Variants in NRAP observed in about 807,000 individuals in gnomAD.
NRAP encodes nebulin-related-anchoring protein.
A neutral mutation model predicts 225.9 loss-of-function variants in NRAP; 189 were observed. That is an observed-to-expected ratio of 0.84 (90% CI 0.74 to 0.94). The LOEUF is 0.94. Among genes scored for constraint, NRAP ranks in the 40% least tolerant of loss-of-function variants. The pLI is 0.00. For missense variants in NRAP, 2,176 were observed against 2,168.7 expected, an observed-to-expected ratio of 1.00 and a Z score of -0.07; for synonymous variants, 769 against 790.7, an observed-to-expected ratio of 0.97 and a Z score of 0.46.
intron 3 of NRAP, among the ~76,000 whole-genome samples, chr10:113,659,321 C>T (rs1850515692): frequency 6.6e-6 from 1 of 152,164 alleles, no homozygotes; most frequent in South Asian, 2.1e-4. Flanking sequence ...TGCAATAATA[C>T]CCCATCAACA....
intron 3 of NRAP, among the ~76,000 whole-genome samples, chr10:113,662,040 C>T (rs753394418): frequency 2.0e-5 from 3 of 152,106 alleles, no homozygotes; most frequent in African/African-American, 4.8e-5. Context: ...GGTCAAGACA[C>T]AAAGATTATA....
chr10:113,616,547 T>C (rs976144971), intron 26 of NRAP, among the ~76,000 whole-genome samples: 2 of 152,240 alleles, frequency 1.3e-5, no homozygotes, highest in African/African-American at 2.4e-5. Context: ...TTGATTCTGA[T>C]GGGCTGATTA....
rs760907622 is a variant in NRAP, at chr10:113,651,842, C to A, written c.636G>T (p.Glu212Asp). The change falls in exon 7 of 42, where the codon GAG (glutamate) becomes GAT (aspartate). Residue 212 changes from glutamate to aspartate, a missense_variant. This residue lies in a region of NRAP where 1,708 missense variants were observed against 1,695.5 expected (regional missense o/e 1.01). Coordinates refer to ENST00000359988, the MANE Select transcript of NRAP (RefSeq NM_198060.4). ...GTGCCCCAGCCTTGCTCCGTAGCAG[C>A]TCAGGAGTATCCACCACCGTGGAGA... ...SRFSTVVDTP[E>D]LLRSKAGAQL... The A allele has an allele frequency of 5.6e-6, 9 of 1,613,468 alleles. No homozygotes were observed. The highest frequency in any genetic ancestry group is 6.8e-6 in the Non-Finnish European group (8 of 1,179,422).
chr10:113,601,919 T>C (rs1220372015), intron 35 of NRAP, among the ~76,000 whole-genome samples: 7 of 152,218 alleles, frequency 4.6e-5, no homozygotes, highest in Admixed American at 4.6e-4. Flanking sequence ...TCTCTGGTTT[T>C]CTGTCACCCA....
rs543627940 is a variant in NRAP at position 113,607,399 on chromosome 10, C to CAAAAAAAAAAAAAAAAAAAAAAAA, written c.3702+991_3702+1014dup. On this transcript the variant is annotated intron_variant, in intron 32 of 41. Coordinates refer to ENST00000359988, the MANE Select transcript of NRAP (RefSeq NM_198060.4). ...CCTGGGTGAAAGAGCGAAACTCCGT[C>CAAAAAAAAAAAAAAAAAAAAAAAA]AAAAAAAAAAAAAAAAAAAAAAAAA... 9.0e-4 allele frequency among the ~76,000 whole-genome samples: 62 copies of CAAAAAAAAAAAAAAAAAAAAAAAA among 68,602 alleles called. 2 individuals carry two copies. Among genetic ancestry groups the CAAAAAAAAAAAAAAAAAAAAAAAA allele is most frequent in the Non-Finnish European group, 1.2e-3 (44 of 35,366 alleles). 45.0% of individuals were successfully genotyped at this position (68,602 alleles called of 152,430 possible).
At chr10:113,625,630 G>T (rs1257855995) in intron 21 of NRAP, among the ~76,000 whole-genome samples, 1 of 152,198 alleles carries the variant, frequency 6.6e-6, no homozygotes, top group East Asian at 1.9e-4. Context: ...TGTGTGTGGT[G>T]CTTCTTTGTT....
intron 12 of NRAP, among the ~76,000 whole-genome samples, chr10:113,641,807 C>T (rs3121468): frequency 0.55 from 83,700 of 151,484 alleles, 24,315 homozygotes; most frequent in East Asian, 0.72. Flanking sequence ...TACCATGAGA[C>T]AGTGGCAGGC....
chr10:113,619,801 G>C (rs114901546), intron 25 of NRAP, among the ~76,000 whole-genome samples: 1 of 152,094 alleles, frequency 6.6e-6, no homozygotes, highest in Non-Finnish European at 1.5e-5. Flanking sequence ...TAAAGAGCAC[G>C]GGTGTGAGTG....
intron 14 of NRAP, 96 bp downstream of exon 14, chr10:113,640,131 G>T (rs1443617034): frequency 2.8e-6 from 2 of 711,726 alleles, no homozygotes; most frequent in South Asian, 1.8e-5. Context: ...ATGAACTGTT[G>T]TATCATGTTT....
chr10:113,591,049 C>A (rs1215849915), intron 39 of NRAP, among the ~76,000 whole-genome samples, 160 bp from the exon 40 acceptor site: 1 of 152,098 alleles, frequency 6.6e-6, no homozygotes, highest in Non-Finnish European at 1.5e-5. Context: ...GGTCATGGGC[C>A]TGTTACTGAG....
At chr10:113,657,659 GA>G (rs1477014753) in intron 3 of NRAP, 85 bp from the exon 4 acceptor site, 3 of 815,856 alleles carry the variant, frequency 3.7e-6, no homozygotes, top group South Asian at 1.5e-5. Context: ...AAAATTGGGG[GA>G]TTTTGCTAAG....
At chr10:113,659,046 G>T (rs1850496802) in intron 3 of NRAP, among the ~76,000 whole-genome samples, 1 of 152,056 alleles carries the variant, frequency 6.6e-6, no homozygotes, top group African/African-American at 2.4e-5. Flanking sequence ...TGACTTTCCA[G>T]GGTTGCTACT....
intron 5 of NRAP, 68 bp downstream of exon 5, chr10:113,653,953 A>G: frequency 1.1e-6 from 1 of 929,412 alleles, no homozygotes; most frequent in Non-Finnish European, 1.8e-6. Context: ...GTAAAAGTCA[A>G]GGAACAGTCA....
intron 29 of NRAP, among the ~76,000 whole-genome samples, chr10:113,612,785 C>A (rs191587425): frequency 6.6e-6 from 1 of 152,214 alleles, no homozygotes; most frequent in African/African-American, 2.4e-5. Context: ...TCGCTCCCTG[C>A]CCACCATATT....
intron 20 of NRAP, among the ~76,000 whole-genome samples, chr10:113,627,349 G>T (rs188709758): frequency 6.6e-6 from 1 of 152,184 alleles, no homozygotes. Context: ...ACAGAGCACA[G>T]AAGGAACATA....
At chr10:113,594,132 C>A (rs1262864646) in intron 38 of NRAP, among the ~76,000 whole-genome samples, 1 of 152,142 alleles carries the variant, frequency 6.6e-6, no homozygotes, top group East Asian at 1.9e-4. Context: ...TCACAGTGGG[C>A]ACAGTTTTGT....
chr10:113,640,381 TTTTGGC>T (rs768556777), intron 13 of NRAP, 50 bp from the exon 14 acceptor site: 11 of 1,131,254 alleles, frequency 9.7e-6, no homozygotes, highest in Non-Finnish European at 1.4e-5. Flanking sequence ...TTCTACTTTC[TTTTGGC>T]TTTGTTTGAA....
At position 113,621,909 on chromosome 10, in the gene NRAP, T is replaced by C. The variant is rs749458609; in HGVS notation, c.2729A>G (p.Lys910Arg). Residue 910 changes from lysine to arginine, a missense_variant, in exon 24 of 42, where the codon AAG becomes AGG. By Grantham distance (26) the Lys-to-Arg change is conservative. Coordinates refer to ENST00000359988, the MANE Select transcript of NRAP (RefSeq NM_198060.4). ...HHFTALPTDM[K>R]VEWAKKAYGL... The stretch of plus-strand genomic sequence containing the variant: ...ATAAGCCTTCTTGGCCCATTCCACC[T>C]TCATGTCTGTGGGCAAAGCCGTAAA... 3 of 1,613,860 alleles carry C rather than the reference T, an allele frequency of 1.9e-6. No individual in the cohort carries two copies. Among genetic ancestry groups the C allele is most frequent in the Admixed American group, 1.7e-5 (1 of 60,020 alleles).
intron 3 of NRAP, among the ~76,000 whole-genome samples, chr10:113,660,692 A>G (rs767242095): frequency 4.6e-5 from 7 of 152,246 alleles, no homozygotes; most frequent in Non-Finnish European, 8.8e-5. Context: ...TGCAAACAGC[A>G]TTCTGAGGTA....
Sources: allele counts gnomAD v4.1 joint callset (sites outside exome capture counted in the v4.1 genomes callset), GRCh38; gene constraint gnomAD v4.1.1; regional missense constraint gnomAD v4.1.1; transcripts MANE v1.5; gene names NCBI Gene and HGNC (gene_info 2026-07-23, HGNC 2026-07-21).